Variants in MED18 observed in about 807,000 individuals in gnomAD.
The protein encoded by MED18 is mediator complex subunit 18.
A neutral mutation model predicts 13.9 loss-of-function variants in MED18; 10 were observed. The observed-to-expected ratio is 0.72, with a 90% CI of 0.44 to 1.22. The LOEUF is 1.22. Ranked by LOEUF, MED18 falls within the 50% of genes most tolerant of loss-of-function variation. The pLI is 0.00. For missense variants in MED18, 216 were observed against 279.0 expected (o/e 0.77, Z 1.61); for synonymous variants, 88 against 93.2 (o/e 0.94, Z 0.32).
chr1:28,331,112 T>G (rs932516176), intron 2 of MED18, among the ~76,000 whole-genome samples: 1 of 150,346 alleles, frequency 6.7e-6, no homozygotes, highest in African/African-American at 2.5e-5. Context: ...GAGAATGGTG[T>G]GAACCTGGGA....
At chr1:28,334,370 G>A in intron 2 of MED18, 47 bp from the exon 3 acceptor site, 2 of 1,556,878 alleles carry the variant, frequency 1.3e-6, no homozygotes, top group Non-Finnish European at 1.7e-6. Flanking sequence ...CTAACTCCAT[G>A]ACCTAAAATG....
chr1:28,331,096 A>G (rs1299395119), intron 2 of MED18, among the ~76,000 whole-genome samples: 4 of 151,534 alleles, frequency 2.6e-5, no homozygotes, highest in Non-Finnish European at 4.4e-5. Flanking sequence ...CAGGAGGCTG[A>G]GGCAGGAGAA....
At chr1:28,330,848 G>A (rs1046740285) in intron 2 of MED18, 113 bp downstream of exon 2, 10 of 693,852 alleles carry the variant, frequency 1.4e-5, no homozygotes, top group Admixed American at 7.8e-5. Context: ...ACCCAGCTAT[G>A]TTTTTAACTG....
At chr1:28,330,428 G>A in intron 1 of MED18, 169 bp from the exon 2 acceptor site, 1 of 382,280 alleles carries the variant, frequency 2.6e-6, no homozygotes, top group East Asian at 6.2e-5. Flanking sequence ...GTAACTCCAT[G>A]ACCAGATCTC....
intron 2 of MED18, 178 bp downstream of exon 2, chr1:28,330,913 C>T (rs1390537684): frequency 2.4e-6 from 1 of 411,694 alleles, no homozygotes; most frequent in Non-Finnish European, 4.3e-6. Flanking sequence ...GCCATCTTGG[C>T]TGGGCATGGT....
chr1:28,330,797 AT>A, intron 2 of MED18, 62 bp downstream of exon 2: 1 of 1,325,476 alleles, frequency 7.5e-7, no homozygotes, highest in Non-Finnish European at 1.0e-6. Context: ...TTCCCTTAAG[AT>A]GAGAGACTTA....
intron 2 of MED18, 92 bp downstream of exon 2, chr1:28,330,827 C>G: frequency 1.1e-6 from 1 of 883,976 alleles, no homozygotes; most frequent in Non-Finnish European, 1.7e-6. Context: ...GCAGCCTGCA[C>G]AGTTTCTGGC....
chr1:28,335,430 G>C lies in MED18; in HGVS notation c.*460G>C. ...GATGGTGAGAATTAATTGGTTCTTT[G>C]CACTGTTCTCCTCATGTGGCGATTT... On this transcript the variant is annotated 3_prime_UTR_variant, in exon 3 of 3. Coordinates refer to ENST00000373842, the MANE Select transcript of MED18 (RefSeq NM_017638.3). 1 of 178,030 alleles carries C rather than the reference G, an allele frequency of 5.6e-6. No individual in the cohort carries two copies. Among genetic ancestry groups the C allele is most frequent in the Non-Finnish European group, 1.2e-5 (1 of 82,774 alleles). The allele number at this position is 178,030 out of a possible 1,614,324, so 11.0% of individuals were successfully genotyped here.
rs903164221 is a variant in MED18 at position 28,334,536 on chromosome 1, G to T, written c.193G>T (p.Ala65Ser). The T allele has an allele frequency of 1.9e-5, 30 of 1,614,018 alleles. No homozygotes were observed. The highest frequency in any genetic ancestry group is 2.7e-5 in the African/African-American group (2 of 74,904). ...EMVFLLKGQQ[A>S]SPFVLRARRS... ...GGTATTCCTCCTTAAGGGCCAGCAA[G>T]CCAGCCCATTTGTTCTCAGGGCCCG... Residue 65 changes from alanine to serine, a missense_variant, in exon 3 of 3, where the codon GCC becomes TCC. Ala to Ser is a moderately conservative substitution (Grantham distance 99). Transcript: ENST00000373842.
chr1:28,332,203 G>A (rs937529546), intron 2 of MED18, among the ~76,000 whole-genome samples: 23 of 151,954 alleles, frequency 1.5e-4, no homozygotes, highest in African/African-American at 5.1e-4. Flanking sequence ...GCTTGAGTTC[G>A]GGAATTCAGG....
intron 2 of MED18, among the ~76,000 whole-genome samples, chr1:28,333,119 C>T (rs1413566131): frequency 6.6e-6 from 1 of 152,128 alleles, no homozygotes; most frequent in Non-Finnish European, 1.5e-5. Flanking sequence ...AAAAAATCAA[C>T]AGTTTGATAT....
intron 2 of MED18, among the ~76,000 whole-genome samples, chr1:28,334,147 G>A (rs558418570): frequency 3.9e-5 from 6 of 152,260 alleles, no homozygotes; most frequent in African/African-American, 1.2e-4. Context: ...TAAGCCCCAG[G>A]CCTGCTGGAG....
chr1:28,330,428 G>T (rs978873105), intron 1 of MED18, 169 bp from the exon 2 acceptor site: 1 of 382,280 alleles, frequency 2.6e-6, no homozygotes, highest in East Asian at 6.2e-5. Context: ...GTAACTCCAT[G>T]ACCAGATCTC....
At chr1:28,333,167 A>G (rs1649799693) in intron 2 of MED18, among the ~76,000 whole-genome samples, 1 of 152,234 alleles carries the variant, frequency 6.6e-6, no homozygotes, top group Non-Finnish European at 1.5e-5. Flanking sequence ...TAGGCATCCA[A>G]GTGAGGAAAC....
intron 1 of MED18, chr1:28,330,333 C>A: frequency 5.2e-6 from 1 of 191,164 alleles, no homozygotes; most frequent in South Asian, 7.9e-5. Flanking sequence ...CATTGAGTCC[C>A]AGGGTGAGGG....
intron 2 of MED18, 105 bp from the exon 3 acceptor site, chr1:28,334,312 C>A: frequency 8.3e-7 from 1 of 1,212,002 alleles, no homozygotes; most frequent in Non-Finnish European, 1.2e-6. Flanking sequence ...TTATGAAATG[C>A]TTCACTAAAC....
At position 28,330,684 on chromosome 1, in the gene MED18, A is replaced by G; in HGVS notation, c.22A>G (p.Met8Val). The G allele has an allele frequency of 6.2e-7, 1 of 1,606,490 alleles. No homozygotes were observed. Among genetic ancestry groups the G allele is most frequent in the Non-Finnish European group, 8.5e-7 (1 of 1,176,928 alleles). Residue 8 changes from methionine to valine, a missense_variant, in exon 2 of 3, where the codon ATG becomes GTG. Transcript: ENST00000373842. ...CACCATGGAGGCACCTCCAGTCACC[A>G]TGATGCCTGTCACTGGGGGCACCAT... Reference protein sequence around the residue: MEAPPVTMMPVTGGTINM... With the variant: MEAPPVTVMPVTGGTINM...
chr1:28,335,061 AG>A lies in MED18; in HGVS notation c.*92del. 8.0e-7 allele frequency: 1 copy of A among 1,257,316 alleles called. No individual in the cohort carries two copies. The highest frequency in any genetic ancestry group is 1.1e-6 in the Non-Finnish European group (1 of 913,922). 77.9% of individuals were successfully genotyped at this position (1,257,316 alleles called of 1,614,324 possible). A position where few individuals can be genotyped will look rare whatever the true frequency, so the allele number is the denominator to read the frequency against. On this transcript the variant is annotated 3_prime_UTR_variant, in exon 3 of 3. Coordinates refer to ENST00000373842, the MANE Select transcript of MED18 (RefSeq NM_017638.3). Reference sequence around the variant, plus strand: ...TGGTTTTTGTTTTGTTTTGTTTTTGAGACAGAGTCTCGCTTTGTTTCCCAGG... The same window carrying A: ...TGGTTTTTGTTTTGTTTTGTTTTTGAACAGAGTCTCGCTTTGTTTCCCAGG...
rs765040874 is a variant in MED18, at chr1:28,334,799, G to A, written c.456G>A (p.Leu152=). ...TGGTGTACAAGATTTTCCGCATCCT[G>A]GTGCCAGGGAACACAGACAGCACTG... ...KIMVYKIFRI[L]VPGNTDSTEA... The change falls in exon 3 of 3, where the codon CTG becomes CTA. Residue 152 remains leucine (L), a synonymous_variant. Coordinates refer to ENST00000373842, the MANE Select transcript of MED18 (RefSeq NM_017638.3). 7.4e-6 allele frequency: 12 copies of A among 1,614,054 alleles called. No homozygotes were observed. Among genetic ancestry groups the A allele is most frequent in the Admixed American group, 1.7e-5 (1 of 59,976 alleles).
Sources: allele counts gnomAD v4.1 joint callset (sites outside exome capture counted in the v4.1 genomes callset), GRCh38; gene constraint gnomAD v4.1.1; transcripts MANE v1.5; gene names NCBI Gene and HGNC (gene_info 2026-07-23, HGNC 2026-07-21).